Variants in SLC5A4 observed in about 807,000 individuals in gnomAD.
SLC5A4 encodes the protein probable glucose sensor protein SLC5A4.
A neutral mutation model predicts 70.3 loss-of-function variants in SLC5A4; 55 were observed. The observed-to-expected ratio is 0.78, with a 90% CI of 0.63 to 0.98. SLC5A4 has a LOEUF of 0.98. Ranked by LOEUF, SLC5A4 falls within the 50% of genes least tolerant of loss-of-function variation. The pLI is 0.00. For synonymous variants in SLC5A4, 268 were observed against 305.7 expected (o/e 0.88, Z 1.29); for missense variants, 735 against 839.2 (o/e 0.88, Z 1.53).
At chr22:32,328,885 G>A in the SLC5A4 span, among the ~76,000 whole-genome samples, 3 of 152,212 alleles carry the variant, frequency 2.0e-5, no homozygotes, top group African/African-American at 7.2e-5. Context: ...CAGGGAACGA[G>A]CCTCTGACCT....
intron 10 of SLC5A4, among the ~76,000 whole-genome samples, 181 bp downstream of exon 10, chr22:32,230,787 C>T (rs371791655): frequency 5.9e-5 from 9 of 152,214 alleles, no homozygotes; most frequent in East Asian, 3.9e-4. Context: ...AGTAATTGTA[C>T]CTGGTTCATC....
At chr22:32,318,666 T>C in the SLC5A4 span, among the ~76,000 whole-genome samples, 12,275 of 152,252 alleles carry the variant, frequency 0.081, 618 homozygotes, top group Admixed American at 0.19. Context: ...TGGGTGTCTG[T>C]GCTGGTCAGC....
intron 13 of SLC5A4, 36 bp downstream of exon 13, chr22:32,224,231 T>G: frequency 6.5e-7 from 1 of 1,526,762 alleles, no homozygotes; most frequent in Non-Finnish European, 9.1e-7. Flanking sequence ...AGAACTCTTA[T>G]TTAAAATTAG....
rs1927175183 is a variant in SLC5A4, at chr22:32,251,756, A to G, written c.312+14T>C. The G allele has an allele frequency of 1.3e-6, 2 of 1,506,486 alleles. No individual in the cohort carries two copies. The highest frequency in any genetic ancestry group is 1.8e-6 in the Non-Finnish European group (2 of 1,081,862). The allele number at this position is 1,506,486 out of a possible 1,614,324, so 93.3% of individuals were successfully genotyped here. A position where few individuals can be genotyped will look rare whatever the true frequency, so the allele number is the denominator to read the frequency against. On this transcript the variant is annotated intron_variant, in intron 3 of 14. Transcript: ENST00000266086. ...GGTTTTGATTTGAAGGAAAAAGCCT[A>G]TGATGTCACTTACAGTCCATTCAAA...
At chr22:32,340,003 G>A in the SLC5A4 span, among the ~76,000 whole-genome samples, 1 of 152,252 alleles carries the variant, frequency 6.6e-6, no homozygotes, top group Non-Finnish European at 1.5e-5. Flanking sequence ...CATCATCTCA[G>A]GTTTAGCTCT....
At chr22:32,262,706 AG>A in the SLC5A4 span, among the ~76,000 whole-genome samples, 72 of 152,254 alleles carry the variant, frequency 4.7e-4, no homozygotes, top group Non-Finnish European at 2.1e-4. Context: ...AGTGCAAAAA[AG>A]AAAAGAAAGT....
the SLC5A4 span, among the ~76,000 whole-genome samples, chr22:32,315,450 T>A: frequency 1.4e-4 from 22 of 152,018 alleles, no homozygotes; most frequent in Admixed American, 1.4e-3. Context: ...TCAACTAAAA[T>A]AACTTGATGG....
At position 32,229,954 on chromosome 22, in the gene SLC5A4, T is replaced by A. The variant is rs550672586; in HGVS notation, c.1130-610A>T. Among the ~76,000 whole-genome samples, 18 of 152,310 alleles carry A rather than the reference T, an allele frequency of 1.2e-4. No homozygotes were observed. The East Asian group carries it at 2.3e-3, about 20-fold the overall frequency. ...ACCATCTTTCTTTGGGTAGGGACTG[T>A]TGGCTTCCTGAAGACTTAAGAGAAC... On this transcript the variant is annotated intron_variant, in intron 10 of 14. Transcript: ENST00000266086.
At chr22:32,260,494 T>G in the SLC5A4 span, among the ~76,000 whole-genome samples, 1 of 147,970 alleles carries the variant, frequency 6.8e-6, no homozygotes, top group East Asian at 2.0e-4. Context: ...CCAACCCAGC[T>G]GCCATTTTGG....
chr22:32,285,344 G>A, the SLC5A4 span, among the ~76,000 whole-genome samples: 1 of 152,114 alleles, frequency 6.6e-6, no homozygotes. Flanking sequence ...TCAACAGAAG[G>A]TATAGTTCTC....
the SLC5A4 span, among the ~76,000 whole-genome samples, chr22:32,303,981 T>C: frequency 0.032 from 4,881 of 152,282 alleles, 82 homozygotes; most frequent in African/African-American, 0.049. Context: ...GTGTTCTGGA[T>C]TTTGGCCATT....
chr22:32,259,493 C>T (rs114997102), upstream of SLC5A4, among the ~76,000 whole-genome samples: 1,425 of 152,232 alleles, frequency 9.4e-3, 28 homozygotes, highest in African/African-American at 0.032. Context: ...ATTAACGTGG[C>T]ATGCTACATT....
chr22:32,230,994 G>T lies in SLC5A4; in HGVS notation c.1103C>A (p.Thr368Lys). The T allele has an allele frequency of 6.2e-7, 1 of 1,613,300 alleles. No homozygotes were observed. Among genetic ancestry groups the T allele is most frequent in the Non-Finnish European group, 8.5e-7 (1 of 1,179,194 alleles). Residue 368 changes from threonine (T) to lysine (K), a missense_variant, in exon 10 of 15, where the codon ACG becomes AAG. Coordinates refer to ENST00000266086, the MANE Select transcript of SLC5A4 (RefSeq NM_014227.3). ...TTGGGGCATCAGTTCCAGCACCATC[G>T]TGGGGTATGCGTAGTTGGTGCAGCC... is the stretch of plus-strand genomic sequence containing the variant. ...DVGCTNYAYPTMVLELMPQGL... is the reference protein window; with the variant it reads ...DVGCTNYAYPKMVLELMPQGL...
the SLC5A4 span, among the ~76,000 whole-genome samples, chr22:32,312,386 C>T: frequency 2.0e-3 from 298 of 150,428 alleles, 1 homozygote; most frequent in South Asian, 9.7e-3. Context: ...CACACACACA[C>T]GCACATTCAA....
At chr22:32,275,191 A>T in the SLC5A4 span, among the ~76,000 whole-genome samples, 4 of 152,190 alleles carry the variant, frequency 2.6e-5, no homozygotes, top group Non-Finnish European at 4.4e-5. Context: ...CAAGGTGCAT[A>T]CTCTGAACAA....
upstream of SLC5A4, among the ~76,000 whole-genome samples, chr22:32,256,853 A>G (rs1051793510): frequency 6.6e-6 from 1 of 152,214 alleles, no homozygotes; most frequent in Non-Finnish European, 1.5e-5. Flanking sequence ...ATACTTGGCT[A>G]TTATAAATAA....
the SLC5A4 span, among the ~76,000 whole-genome samples, chr22:32,329,910 G>A: frequency 1.9e-5 from 1 of 53,930 alleles, no homozygotes; most frequent in Non-Finnish European, 3.5e-5. Flanking sequence ...AGGCTCTGGT[G>A]TGTGTGTTGG....
Position 32,234,469 on chromosome 22 carries a change from C to T in SLC5A4, c.885+404G>A, listed in dbSNP as rs185713857. 8.6e-3 allele frequency among the ~76,000 whole-genome samples: 1,303 copies of T among 152,206 alleles called. 20 individuals are homozygous for T. Among genetic ancestry groups the T allele is most frequent in the African/African-American group, 0.03 (1,246 of 41,528 alleles). On this transcript the variant is annotated intron_variant, in intron 8 of 14. Transcript: ENST00000266086. ...ATCTCAGCACTTTGAGAGGCCGAGG[C>T]GGGCAGATCACCTAAGGTCAGGTGT...
chr22:32,290,476 T>C, the SLC5A4 span, among the ~76,000 whole-genome samples: 6,004 of 152,310 alleles, frequency 0.039, 153 homozygotes, highest in Non-Finnish European at 0.062. Context: ...ACTCTTTAAA[T>C]TTCTATTTTT....
Sources: allele counts gnomAD v4.1 joint callset (sites outside exome capture counted in the v4.1 genomes callset), GRCh38; gene constraint gnomAD v4.1.1; transcripts MANE v1.5; gene names NCBI Gene and HGNC (gene_info 2026-07-23, HGNC 2026-07-21).